The following ADGRB3 variants were observed in gnomAD, a reference collection of about 807,000 sequenced individuals.
The protein encoded by ADGRB3 is brain-specific angiogenesis inhibitor 3.
Under a neutral mutation model 193.4 loss-of-function variants are expected in ADGRB3, and 37 were observed. The observed-to-expected ratio is 0.19, with a 90% CI of 0.15 to 0.25. The LOEUF is 0.25. ADGRB3 is among the 10% of genes least tolerant of loss of function. The pLI is 1.00. For missense variants in ADGRB3, 1,637 were observed against 1,852.9 expected (o/e 0.88, Z 2.14); for synonymous variants, 690 against 644.2 (o/e 1.07, Z -1.08).
intron 16 of ADGRB3, among the ~76,000 whole-genome samples, chr6:69,065,255 A>G (rs1340114202): frequency 6.6e-6 from 1 of 152,120 alleles, no homozygotes; most frequent in Non-Finnish European, 1.5e-5. Context: ...TAGAAAGAGG[A>G]ACAATTTTAT....
intron 17 of ADGRB3, among the ~76,000 whole-genome samples, chr6:69,227,227 G>A (rs1397426431): frequency 6.6e-6 from 1 of 152,170 alleles, no homozygotes; most frequent in African/African-American, 2.4e-5. Context: ...CCAATAAGGA[G>A]CTCAGAGCAG....
At chr6:69,066,666 A>C (rs2150309437) in intron 16 of ADGRB3, among the ~76,000 whole-genome samples, 1 of 152,210 alleles carries the variant, frequency 6.6e-6, no homozygotes, top group South Asian at 2.1e-4. Context: ...TGATGGCTTC[A>C]TTGTCATGAC....
rs1480087900 is a variant in ADGRB3, at chr6:68,993,969, G to A, written c.1929+7G>A. ...TGCATCTGATGGTGTCCAGGTAAGG[G>A]AGACAAGTTCGTGAAGGAAAGGGCT... On this transcript the variant is annotated splice_region_variant and intron_variant, in intron 11 of 31. Coordinates refer to ENST00000370598, the MANE Select transcript of ADGRB3 (RefSeq NM_001704.3). The A allele has an allele frequency of 2.5e-6, 4 of 1,610,824 alleles. No homozygotes were observed. The Admixed American group carries it at 5.0e-5, about 20-fold the overall frequency.
intron 6 of ADGRB3, among the ~76,000 whole-genome samples, chr6:68,946,647 AGAG>A (rs1767782181): frequency 6.6e-6 from 1 of 152,158 alleles, no homozygotes; most frequent in African/African-American, 2.4e-5. Context: ...AGTGTGGACA[AGAG>A]GAGGACAGAA....
chr6:68,676,356 A>G (rs1769086779), intron 3 of ADGRB3, among the ~76,000 whole-genome samples: 1 of 144,494 alleles, frequency 6.9e-6, no homozygotes. Flanking sequence ...GCACCACTGC[A>G]CTCCAGCCTG....
chr6:68,752,237 C>A (rs1199823671), intron 3 of ADGRB3, among the ~76,000 whole-genome samples: 4 of 150,584 alleles, frequency 2.7e-5, no homozygotes, highest in African/African-American at 9.8e-5. Flanking sequence ...TTGATTTGGC[C>A]CAATAATGGT....
intron 11 of ADGRB3, among the ~76,000 whole-genome samples, chr6:69,013,306 A>G (rs1205666063): frequency 1.3e-5 from 2 of 152,134 alleles, no homozygotes; most frequent in East Asian, 3.9e-4. Flanking sequence ...ATGAAAGAAA[A>G]ACCAGAAACC....
At chr6:69,120,287 A>T (rs1773647670) in intron 17 of ADGRB3, among the ~76,000 whole-genome samples, 1 of 152,220 alleles carries the variant, frequency 6.6e-6, no homozygotes, top group Non-Finnish European at 1.5e-5. Context: ...GCAACTTGTT[A>T]GAAATGCATA....
intron 20 of ADGRB3, among the ~76,000 whole-genome samples, chr6:69,319,138 A>G (rs1273008973): frequency 1.3e-5 from 2 of 151,236 alleles, no homozygotes; most frequent in Admixed American, 1.3e-4. Flanking sequence ...TAAGTCTAAA[A>G]ATATTCTATT....
intron 3 of ADGRB3, among the ~76,000 whole-genome samples, chr6:68,851,973 T>C (rs1300017656): frequency 6.6e-6 from 1 of 151,904 alleles, no homozygotes; most frequent in Non-Finnish European, 1.5e-5. Flanking sequence ...CCAAGTTTTA[T>C]TATATGAGAA....
intron 20 of ADGRB3, among the ~76,000 whole-genome samples, chr6:69,242,393 G>A (rs920325295): frequency 6.6e-6 from 1 of 151,810 alleles, no homozygotes; most frequent in Non-Finnish European, 1.5e-5. Context: ...ATCTTAGAAA[G>A]TATAAACATC....
At chr6:68,996,203 T>A (rs565516203) in intron 11 of ADGRB3, among the ~76,000 whole-genome samples, 44 of 152,238 alleles carry the variant, frequency 2.9e-4, no homozygotes, top group African/African-American at 1.0e-3. Context: ...CCTTTTCTCT[T>A]TTCTCTTGGG....
At chr6:69,198,307 C>T (rs987797927) in intron 17 of ADGRB3, among the ~76,000 whole-genome samples, 1 of 151,896 alleles carries the variant, frequency 6.6e-6, no homozygotes, top group Non-Finnish European at 1.5e-5. Context: ...AGGTGCTGTG[C>T]AGGGTGATGG....
At chr6:69,022,929 G>C (rs1244681396) in intron 13 of ADGRB3, among the ~76,000 whole-genome samples, 1 of 151,618 alleles carries the variant, frequency 6.6e-6, no homozygotes, top group East Asian at 1.9e-4. Flanking sequence ...TTATAGTTTT[G>C]GTTATATTTT....
chr6:68,737,679 TG>T lies in ADGRB3; in HGVS notation c.757+98248del, dbSNP rs746801662. ...AGACAGTCCAAACATAAATTGTCCA[TG>T]TTCCTTTATGAGCTTGTAATCTCGT... On this transcript the variant is annotated intron_variant, in intron 3 of 31. Coordinates refer to ENST00000370598, the MANE Select transcript of ADGRB3 (RefSeq NM_001704.3). Among the ~76,000 whole-genome samples, 101 of 152,286 alleles carry T rather than the reference TG, an allele frequency of 6.6e-4. 1 individual carries two copies. Among genetic ancestry groups the T allele is most frequent in the Admixed American group, 1.2e-3 (19 of 15,292 alleles).
chr6:69,269,870 C>T (rs1388487602), intron 20 of ADGRB3, among the ~76,000 whole-genome samples: 1 of 152,112 alleles, frequency 6.6e-6, no homozygotes, highest in Non-Finnish European at 1.5e-5. Context: ...TTATACTTTA[C>T]TGTCATACAA....
At chr6:68,978,146 T>C (rs1257544545) in intron 10 of ADGRB3, among the ~76,000 whole-genome samples, 1 of 151,550 alleles carries the variant, frequency 6.6e-6, no homozygotes, top group Non-Finnish European at 1.5e-5. Context: ...GTGAAAGAGT[T>C]GTGTAACAAT....
chr6:68,803,471 T>G (rs1325459642), intron 3 of ADGRB3, among the ~76,000 whole-genome samples: 1 of 152,110 alleles, frequency 6.6e-6, no homozygotes, highest in African/African-American at 2.4e-5. Flanking sequence ...CCTCCAAATA[T>G]ATCCACGTCT....
At position 68,795,154 on chromosome 6, in the gene ADGRB3, C is replaced by A. The variant is rs180994708; in HGVS notation, c.758-135405C>A. 1.8e-4 allele frequency among the ~76,000 whole-genome samples: 28 copies of A among 151,866 alleles called. No homozygotes were observed. The East Asian group carries it at 5.0e-3, about 27-fold the overall frequency. On this transcript the variant is annotated intron_variant, in intron 3 of 31. Transcript: ENST00000370598. ...TTAGGAATCCATGTCCCCAGCAGTC[C>A]ATGTGGTCAGTGATATTAGCTATGT...
Sources: allele counts gnomAD v4.1 joint callset (sites outside exome capture counted in the v4.1 genomes callset), GRCh38; gene constraint gnomAD v4.1.1; transcripts MANE v1.5; gene names NCBI Gene and HGNC (gene_info 2026-07-23, HGNC 2026-07-21).